Variants in EML6 observed in about 807,000 individuals in gnomAD.
The protein encoded by EML6 is echinoderm microtubule-associated protein-like 6.
EML6 carries 154 observed loss-of-function variants against 240.1 expected under a neutral mutation model. That is an observed-to-expected ratio of 0.64 (90% CI 0.56 to 0.73). The LOEUF (loss-of-function observed/expected upper bound fraction) is 0.73, where lower values mean the gene tolerates loss of function less well. Ranked by LOEUF, EML6 falls within the 30% of genes least tolerant of loss-of-function variation. The pLI, the probability that EML6 is intolerant of heterozygous loss-of-function variation, is 0.00. For synonymous variants in EML6, 1,148 were observed against 899.0 expected, an observed-to-expected ratio of 1.28 and a Z score of -4.95; for missense variants, 2,964 against 2,474.6, an observed-to-expected ratio of 1.20 and a Z score of -4.20.
At chr2:54,920,089 A>T (rs916903100) in intron 26 of EML6, among the ~76,000 whole-genome samples, 12 of 152,200 alleles carry the variant, frequency 7.9e-5, no homozygotes, top group Non-Finnish European at 1.3e-4. Context: ...TAAAGATCTC[A>T]AATAACCTAA....
intron 2 of EML6, among the ~76,000 whole-genome samples, chr2:54,811,238 T>G (rs1667827045): frequency 6.6e-6 from 1 of 152,200 alleles, no homozygotes; most frequent in Non-Finnish European, 1.5e-5. Context: ...TGGAACTGTT[T>G]ATGCTGTGTC....
chr2:54,866,876 C>G lies in EML6; in HGVS notation c.2043C>G (p.Phe681Leu), dbSNP rs1670997706. Residue 681 changes from phenylalanine to leucine, a missense_variant, in exon 14 of 42, where the codon TTC becomes TTG. Coordinates refer to ENST00000356458, the MANE Select transcript of EML6 (RefSeq NM_001039753.4). ...KAPEDSLKLQ[F>L]IHGYRGYDCR... is the part of the protein sequence containing the mutation. ...CTGAGGACAGCTTGAAACTCCAGTT[C>G]ATACACGGGTGGGTGGCCTGTCATG... 1 of 1,547,296 alleles carries G rather than the reference C, an allele frequency of 6.5e-7. No individual in the cohort carries two copies. The highest frequency in any genetic ancestry group is 2.4e-5 in the East Asian group (1 of 40,884).
Position 54,741,156 on chromosome 2 carries a change from A to G in EML6, c.197+15898A>G, listed in dbSNP as rs184432118. Among the ~76,000 whole-genome samples, 411 of 152,194 alleles carry G rather than the reference A, an allele frequency of 2.7e-3. 1 individual carries two copies. Among genetic ancestry groups the G allele is most frequent in the African/African-American group, 9.6e-3 (397 of 41,504 alleles). On this transcript the variant is annotated intron_variant, in intron 2 of 41. Coordinates refer to ENST00000356458, the MANE Select transcript of EML6 (RefSeq NM_001039753.4). The stretch of plus-strand genomic sequence containing the variant: ...TTCCCTCCTCATTCTTATTGTCCAG[A>G]GAGCCCCAAGTGCAGCTGATCTTGG...
At chr2:54,886,320 C>T (rs931621035) in intron 17 of EML6, among the ~76,000 whole-genome samples, 12 of 151,826 alleles carry the variant, frequency 7.9e-5, no homozygotes, top group Non-Finnish European at 1.2e-4. Flanking sequence ...TGCCTGCCAC[C>T]ACGCCTGGCT....
At chr2:54,766,378 C>G (rs1446858778) in intron 2 of EML6, among the ~76,000 whole-genome samples, 1 of 152,144 alleles carries the variant, frequency 6.6e-6, no homozygotes, top group Non-Finnish European at 1.5e-5. Flanking sequence ...TCTTTCATAA[C>G]CTTGATACTT....
intron 28 of EML6, among the ~76,000 whole-genome samples, chr2:54,930,953 CTTTTTTTTT>C (rs34403438): frequency 7.6e-5 from 8 of 104,620 alleles, no homozygotes; most frequent in African/African-American, 2.6e-4. Context: ...CCGTAGGCAT[CTTTTTTTTT>C]TTTTTTTTTT....
rs1671112509 is a variant in EML6, at chr2:54,868,971, A to AG, written c.2052-210_2052-209insG. The AG allele has an allele frequency of 1.2e-5, 6 of 481,424 alleles. No homozygotes were observed. The East Asian group carries it at 1.8e-4, about 15-fold the overall frequency. The allele number at this position is 481,424 out of a possible 1,614,324, so 29.8% of individuals were successfully genotyped here. A position where few individuals can be genotyped will look rare whatever the true frequency, so the allele number is the denominator to read the frequency against. ...TGAGGATCTGCTAACAGATTCTGTTACAATGTTCAGTGCCCATGTGCCTTT... is the reference window on the plus strand; with the variant it reads ...TGAGGATCTGCTAACAGATTCTGTTAGCAATGTTCAGTGCCCATGTGCCTTT... On this transcript the variant is annotated intron_variant, in intron 14 of 41. Coordinates refer to ENST00000356458, the MANE Select transcript of EML6 (RefSeq NM_001039753.4).
intron 14 of EML6, chr2:54,867,214 T>A (rs1671018888): frequency 5.5e-6 from 1 of 183,298 alleles, no homozygotes; most frequent in Middle Eastern, 2.2e-3. Context: ...TCCTTTCCCC[T>A]AATCCCCTGC....
chr2:54,788,472 G>T (rs1476578956), intron 2 of EML6, among the ~76,000 whole-genome samples: 1 of 150,486 alleles, frequency 6.6e-6, no homozygotes, highest in East Asian at 1.9e-4. Flanking sequence ...TAGGCGTCCA[G>T]CTGGGAAAAG....
In EML6 at chr2:54,936,728, G is replaced by A. The variant is rs189787102; in HGVS notation, c.4004+7977G>A. 3.9e-3 allele frequency among the ~76,000 whole-genome samples: 599 copies of A among 152,134 alleles called. 3 individuals carry two copies. Among genetic ancestry groups the A allele is most frequent in the Non-Finnish European group, 6.8e-3 (460 of 68,014 alleles). On this transcript the variant is annotated intron_variant, in intron 28 of 41. Coordinates refer to ENST00000356458, the MANE Select transcript of EML6 (RefSeq NM_001039753.4). ...TCCAGGGATGAATAAATGAATGTTA[G>A]ACTTACCACTTCCTGTTTCTACATT...
intron 21 of EML6, among the ~76,000 whole-genome samples, chr2:54,897,791 T>C (rs933608457): frequency 6.6e-6 from 1 of 152,146 alleles, no homozygotes; most frequent in African/African-American, 2.4e-5. Context: ...CAATGTTTGT[T>C]GGGCTCCTGC....
chr2:54,856,531 A>T (rs541935155), intron 11 of EML6, among the ~76,000 whole-genome samples: 1 of 152,306 alleles, frequency 6.6e-6, no homozygotes, highest in Non-Finnish European at 1.5e-5. Context: ...GAGTGTCCTG[A>T]ATGTTAAGAC....
At chr2:54,962,778 G>T in intron 36 of EML6, 67 bp downstream of exon 36, 1 of 1,320,158 alleles carries the variant, frequency 7.6e-7, no homozygotes, top group East Asian at 2.8e-5. Context: ...AGCTGAGCGA[G>T]GAGAGGCCCA....
At chr2:54,841,100 G>C (rs972550395) in intron 7 of EML6, among the ~76,000 whole-genome samples, 1 of 20,688 alleles carries the variant, frequency 4.8e-5, no homozygotes, top group Non-Finnish European at 8.6e-5. Context: ...AGGACAAGGA[G>C]GGGGGGCTGT....
Position 54,863,791 on chromosome 2 carries a change from G to A in EML6, c.1834G>A (p.Ala612Thr). 1.3e-6 allele frequency: 2 copies of A among 1,537,792 alleles called. No individual in the cohort carries two copies. Among genetic ancestry groups the A allele is most frequent in the Non-Finnish European group, 1.8e-6 (2 of 1,135,650 alleles). Residue 612 changes from alanine to threonine, a missense_variant, in exon 13 of 42, where the codon GCT becomes ACT. Transcript: ENST00000356458. ...GGGTTGTATCTCTGCAGAAGGTGGA[G>A]CTGATTCCTACAGTGAAGAATCTGA... ...MLETAPQEGGADSYSEESDSD... is the reference protein window; with the variant it reads ...MLETAPQEGGTDSYSEESDSD...
intron 26 of EML6, among the ~76,000 whole-genome samples, chr2:54,917,781 G>C (rs1674005142): frequency 1.3e-5 from 2 of 151,718 alleles, no homozygotes; most frequent in Non-Finnish European, 2.9e-5. Context: ...TTTTTTTCCA[G>C]CCTAACCTTT....
chr2:54,930,262 C>G (rs1374337316), intron 28 of EML6, among the ~76,000 whole-genome samples: 10 of 152,210 alleles, frequency 6.6e-5, no homozygotes, highest in Admixed American at 5.2e-4. Flanking sequence ...AACCCAAGCT[C>G]CAAATTCCAA....
intron 17 of EML6, among the ~76,000 whole-genome samples, chr2:54,885,156 CA>C (rs201999245): frequency 1.3e-5 from 2 of 150,334 alleles, no homozygotes; most frequent in Admixed American, 1.3e-4. Flanking sequence ...GATGCTGTCT[CA>C]AAAAAAACCT....
chr2:54,939,240 G>A (rs958462382), intron 28 of EML6, among the ~76,000 whole-genome samples: 1 of 152,144 alleles, frequency 6.6e-6, no homozygotes, highest in African/African-American at 2.4e-5. Context: ...TCCTTCCAGC[G>A]CTCAGGCTGC....
Sources: allele counts gnomAD v4.1 joint callset (sites outside exome capture counted in the v4.1 genomes callset), GRCh38; gene constraint gnomAD v4.1.1; transcripts MANE v1.5; gene names NCBI Gene and HGNC (gene_info 2026-07-23, HGNC 2026-07-21).